The following DCAF8L2 variants were observed in gnomAD, a reference collection of about 807,000 sequenced individuals.
DCAF8L2 encodes the protein DDB1 and CUL4 associated factor 8 like 2, also known as DDB1- and CUL4-associated factor 8-like protein 2.
For missense variants in DCAF8L2, 430 were observed against 490.7 expected, an observed-to-expected ratio of 0.88 and a Z score of 1.17; for synonymous variants, 200 against 190.9, an observed-to-expected ratio of 1.05 and a Z score of -0.39.
At chrX:27,740,271 T>C (rs752342001) in intron 4 of DCAF8L2, among the ~76,000 whole-genome samples, 1 of 111,536 alleles carries the variant, frequency 9.0e-6, no homozygotes, top group Non-Finnish European at 1.9e-5. Flanking sequence ...CACTTCAAAA[T>C]ATATTCCAGA....
intron 3 of DCAF8L2, among the ~76,000 whole-genome samples, chrX:27,682,527 A>G (rs1238089880): frequency 9.0e-6 from 1 of 111,331 alleles, no homozygotes; most frequent in African/African-American, 3.3e-5. Context: ...GACCTTCTTG[A>G]TAAAACTCTT....
At chrX:27,659,740 A>G (rs1929486201) in intron 2 of DCAF8L2, among the ~76,000 whole-genome samples, 1 of 110,345 alleles carries the variant, frequency 9.1e-6, no homozygotes, top group Non-Finnish European at 1.9e-5. Context: ...TTTAAATTTC[A>G]TTCACTGAAT....
upstream of DCAF8L2, among the ~76,000 whole-genome samples, chrX:27,587,197 A>C (rs1925919478): frequency 8.9e-6 from 1 of 111,778 alleles, no homozygotes; most frequent in African/African-American, 3.2e-5. Context: ...TAAAATACAT[A>C]GTTACATTTA....
intron 1 of DCAF8L2, among the ~76,000 whole-genome samples, chrX:27,619,724 C>T (rs5971415): frequency 0.11 from 12,408 of 111,186 alleles, 1,191 homozygotes; most frequent in African/African-American, 0.32. Flanking sequence ...GGAAATAATT[C>T]ACTAGTAGCC....
chrX:27,485,924 CTT>C, the DCAF8L2 span, among the ~76,000 whole-genome samples: 13 of 58,830 alleles, frequency 2.2e-4, no homozygotes, highest in African/African-American at 7.4e-4. Flanking sequence ...TTCTTTTTCT[CTT>C]TTTTTTTTTT....
the DCAF8L2 span, among the ~76,000 whole-genome samples, chrX:27,512,791 A>AC: frequency 0.15 from 12,531 of 85,294 alleles, 1,023 homozygotes; most frequent in East Asian, 0.27. Context: ...AAAAAAAAAA[A>AC]AAAAAAAAAA....
At chrX:27,511,094 A>G in the DCAF8L2 span, among the ~76,000 whole-genome samples, 22 of 111,004 alleles carry the variant, frequency 2.0e-4, no homozygotes, top group African/African-American at 7.2e-4. Context: ...TACAACAGCT[A>G]GGCTCCAAAG....
At chrX:27,647,830 G>T (rs1287784787) in intron 2 of DCAF8L2, among the ~76,000 whole-genome samples, 1 of 111,430 alleles carries the variant, frequency 9.0e-6, no homozygotes, top group Non-Finnish European at 1.9e-5. Context: ...TCTAGACTTG[G>T]GTTCAGGGAA....
the DCAF8L2 span, among the ~76,000 whole-genome samples, chrX:27,509,452 G>C: frequency 8.9e-6 from 1 of 112,148 alleles, no homozygotes; most frequent in Admixed American, 9.5e-5. Context: ...GAGAACATTC[G>C]TCAGCCAATT....
intron 1 of DCAF8L2, among the ~76,000 whole-genome samples, chrX:27,615,417 C>T (rs2147145231): frequency 9.0e-6 from 1 of 111,075 alleles, no homozygotes; most frequent in African/African-American, 3.3e-5. Flanking sequence ...GAAGAAATGA[C>T]TATATTCTTG....
Position 27,747,381 on chromosome X carries a change from G to A in DCAF8L2, c.486G>A (p.Gln162=). The A allele has an allele frequency of 8.6e-7, 1 of 1,167,411 alleles. No homozygotes were observed. Among genetic ancestry groups the A allele is most frequent in the Non-Finnish European group, 1.1e-6 (1 of 873,156 alleles). ...AAGGCAGTGGCGGCAACCATGAGCAGTATTCGTTAGAGGAGGATCAGGCGC... is the reference window on the plus strand; with the variant it reads ...AAGGCAGTGGCGGCAACCATGAGCAATATTCGTTAGAGGAGGATCAGGCGC... ...GPQGSGGNHE[Q]YSLEEDQALE... The change falls in exon 5 of 5, where the codon CAG becomes CAA. Residue 162 remains glutamine, a synonymous_variant. Coordinates refer to ENST00000451261, the MANE Select transcript of DCAF8L2 (RefSeq NM_001353450.2).
chrX:27,633,964 G>T (rs1928396259), intron 2 of DCAF8L2, among the ~76,000 whole-genome samples: 1 of 111,472 alleles, frequency 9.0e-6, no homozygotes, highest in Admixed American at 9.5e-5. Flanking sequence ...TGACAACCTT[G>T]TCAGAGCTAG....
At chrX:27,633,985 A>G (rs1261037334) in intron 2 of DCAF8L2, among the ~76,000 whole-genome samples, 1 of 111,782 alleles carries the variant, frequency 8.9e-6, no homozygotes, top group Non-Finnish European at 1.9e-5. Context: ...TATTTCCATG[A>G]AAATTTGATG....
In DCAF8L2 at chrX:27,747,828, T is replaced by C. The variant is rs753262193; in HGVS notation, c.933T>C (p.Thr311=). ...TTAATGCATCATATTTCAACAATAC[T>C]AAGTGTGTGGCCCAGCACAGGGGAC... ...ELINASYFNN[T]KCVAQHRGPA... Residue 311 remains threonine (T), a synonymous_variant, in exon 5 of 5, where the codon ACT becomes ACC. Transcript: ENST00000451261. The C allele has an allele frequency of 3.9e-5, 47 of 1,207,934 alleles. No homozygotes were observed. The African/African-American group carries it at 7.3e-4, about 19-fold the overall frequency.
chrX:27,598,259 C>T (rs746454624), intron 1 of DCAF8L2, among the ~76,000 whole-genome samples: 4 of 112,490 alleles, frequency 3.6e-5, no homozygotes, highest in Non-Finnish European at 7.5e-5. Context: ...CAGTGTGACA[C>T]TGTTACATTG....
the DCAF8L2 span, among the ~76,000 whole-genome samples, chrX:27,533,144 AAGAG>A: frequency 0.012 from 293 of 23,650 alleles, 26 homozygotes; most frequent in Middle Eastern, 0.033. Context: ...GGAAGGAAGA[AAGAG>A]AGAGAGAGAG....
intron 2 of DCAF8L2, among the ~76,000 whole-genome samples, chrX:27,652,787 G>T (rs1031801198): frequency 1.3e-4 from 15 of 111,792 alleles, no homozygotes; most frequent in African/African-American, 4.2e-4. Context: ...GTGGAGGAGG[G>T]TATCCTCAAT....
intron 3 of DCAF8L2, among the ~76,000 whole-genome samples, chrX:27,687,181 T>A (rs749022350): frequency 3.6e-5 from 4 of 112,182 alleles, no homozygotes; most frequent in Non-Finnish European, 7.5e-5. Context: ...GTGTAGCCTA[T>A]ACATATGTAT....
In DCAF8L2 at chrX:27,665,699, A is replaced by G. The variant is rs910373942; in HGVS notation, c.-219-12137A>G. ...TTAAGAAATTACCATAGCCACCCCAACCTTCAGGAACTACTACCCTAATTA... is the reference window on the plus strand; with the variant it reads ...TTAAGAAATTACCATAGCCACCCCAGCCTTCAGGAACTACTACCCTAATTA... On this transcript the variant is annotated intron_variant, in intron 2 of 4. Transcript: ENST00000451261. Among the ~76,000 whole-genome samples, 8 of 111,531 alleles carry G rather than the reference A, an allele frequency of 7.2e-5. No homozygotes were observed. The East Asian group carries it at 1.1e-3, about 16-fold the overall frequency.
Sources: allele counts gnomAD v4.1 joint callset (sites outside exome capture counted in the v4.1 genomes callset), GRCh38; gene constraint gnomAD v4.1.1; transcripts MANE v1.5; gene names NCBI Gene and HGNC (gene_info 2026-07-23, HGNC 2026-07-21).